The following NXPH2 variants were observed in gnomAD, a reference collection of about 807,000 sequenced individuals.
NXPH2 encodes the protein neurexophilin-2.
A neutral mutation model predicts 19.8 loss-of-function variants in NXPH2; 5 were observed. The ratio of observed to expected loss-of-function variants is 0.25; its 90% confidence interval spans 0.13 to 0.53. The LOEUF is 0.53. NXPH2 is among the 20% of genes least tolerant of loss of function. The pLI is 0.96. For missense variants in NXPH2, 289 were observed against 322.8 expected (o/e 0.90, Z 0.80); for synonymous variants, 154 against 127.4 (o/e 1.21, Z -1.41).
chr2:138,756,065 G>T (rs1681904660), intron 1 of NXPH2, among the ~76,000 whole-genome samples: 1 of 151,556 alleles, frequency 6.6e-6, no homozygotes, highest in African/African-American at 2.4e-5. Context: ...AGTTTTTATT[G>T]TTCTTTGTAT....
At chr2:138,695,400 G>A (rs1047128266) in intron 1 of NXPH2, among the ~76,000 whole-genome samples, 2 of 152,112 alleles carry the variant, frequency 1.3e-5, no homozygotes, top group Non-Finnish European at 2.9e-5. Flanking sequence ...AAACTCTGCC[G>A]AGAGGAACAA....
chr2:138,778,085 A>C (rs768697093), intron 1 of NXPH2, among the ~76,000 whole-genome samples: 1 of 152,180 alleles, frequency 6.6e-6, no homozygotes, highest in African/African-American at 2.4e-5. Context: ...ATTGGGGAAT[A>C]TTTCAATTTA....
chr2:138,730,451 C>T (rs746610076), intron 1 of NXPH2, among the ~76,000 whole-genome samples: 20 of 152,098 alleles, frequency 1.3e-4, no homozygotes, highest in Admixed American at 2.6e-4. Flanking sequence ...TTTGGGGGCA[C>T]GATTCAGCCC....
intron 1 of NXPH2, among the ~76,000 whole-genome samples, chr2:138,677,997 A>G (rs1014279385): frequency 2.0e-5 from 3 of 152,172 alleles, no homozygotes; most frequent in Non-Finnish European, 4.4e-5. Context: ...CCATACTTTA[A>G]TTGGATCTTC....
At position 138,696,617 on chromosome 2, in the gene NXPH2, T is replaced by C. The variant is rs768390921; in HGVS notation, c.52-24952A>G. Among the ~76,000 whole-genome samples the C allele has an allele frequency of 7.2e-5, 11 of 152,126 alleles. No homozygotes were observed. In the South Asian group the frequency reaches 1.4e-3, roughly 20 times the overall value. On this transcript the variant is annotated intron_variant, in intron 1 of 1. Coordinates refer to ENST00000272641, the MANE Select transcript of NXPH2 (RefSeq NM_007226.3). ...GCAGTATCAAATGGTGGTGAAGACA[T>C]AGATTAACTAAAATTCCTGTACATT...
chr2:138,689,144 C>T (rs1241681361), intron 1 of NXPH2, among the ~76,000 whole-genome samples: 2 of 152,132 alleles, frequency 1.3e-5, no homozygotes, highest in Non-Finnish European at 2.9e-5. Flanking sequence ...CCCAAACGAC[C>T]ATATCATGTT....
chr2:138,680,461 C>A (rs1307611614), intron 1 of NXPH2, among the ~76,000 whole-genome samples: 1 of 152,138 alleles, frequency 6.6e-6, no homozygotes, highest in Non-Finnish European at 1.5e-5. Context: ...TTCAGGAGCC[C>A]ACATTTGTGC....
At chr2:138,688,019 C>T (rs1483985612) in intron 1 of NXPH2, among the ~76,000 whole-genome samples, 5 of 152,214 alleles carry the variant, frequency 3.3e-5, no homozygotes, top group Admixed American at 6.5e-5. Flanking sequence ...CTTGGCAATG[C>T]GGGCCCTTTT....
At position 138,707,094 on chromosome 2, in the gene NXPH2, C is replaced by CAAAAAAAA. The variant is rs70982073; in HGVS notation, c.52-35437_52-35430dup. On this transcript the variant is annotated intron_variant, in intron 1 of 1. Coordinates refer to ENST00000272641, the MANE Select transcript of NXPH2 (RefSeq NM_007226.3). ...ATGACTTTAAGTACTTGCCCCATGA[C>CAAAAAAAA]AAAAAAAAAAAAAAAAAAGAGCAAG... 2.8e-3 allele frequency among the ~76,000 whole-genome samples: 98 copies of CAAAAAAAA among 34,800 alleles called. 7 individuals carry two copies. The highest frequency in any genetic ancestry group is 6.1e-3 in the African/African-American group (76 of 12,486). The allele number at this position is 34,800 out of a possible 152,430, so 22.8% of individuals were successfully genotyped here. A position where few individuals can be genotyped will look rare whatever the true frequency, so the allele number is the denominator to read the frequency against.
At chr2:138,733,501 T>C (rs1447504317) in intron 1 of NXPH2, among the ~76,000 whole-genome samples, 3 of 152,182 alleles carry the variant, frequency 2.0e-5, no homozygotes, top group African/African-American at 7.2e-5. Flanking sequence ...AAAAGGATCT[T>C]GAAAGGCAAG....
intron 1 of NXPH2, among the ~76,000 whole-genome samples, chr2:138,679,369 A>G (rs1437254961): frequency 6.6e-6 from 1 of 151,636 alleles, no homozygotes; most frequent in Non-Finnish European, 1.5e-5. Flanking sequence ...CTCTTCACCT[A>G]CGTGGCAGCG....
At chr2:138,706,751 T>A (rs1438869530) in intron 1 of NXPH2, among the ~76,000 whole-genome samples, 3 of 151,696 alleles carry the variant, frequency 2.0e-5, no homozygotes, top group Non-Finnish European at 2.9e-5. Flanking sequence ...ATTTTTTTTT[T>A]AAGTAGGCAG....
chr2:138,712,930 T>A (rs1033012213), intron 1 of NXPH2, among the ~76,000 whole-genome samples: 1 of 152,258 alleles, frequency 6.6e-6, no homozygotes, highest in African/African-American at 2.4e-5. Context: ...ATACTTGTGA[T>A]AAATTCCTTC....
At chr2:138,743,242 G>A (rs1201654149) in intron 1 of NXPH2, among the ~76,000 whole-genome samples, 4 of 146,910 alleles carry the variant, frequency 2.7e-5, no homozygotes, top group Non-Finnish European at 6.1e-5. Flanking sequence ...AGTCACCCGG[G>A]TGGGATCCAC....
rs1396847592 is a variant in NXPH2 at position 138,727,722 on chromosome 2, C to T, written c.51+52469G>A. 3.9e-5 allele frequency among the ~76,000 whole-genome samples: 6 copies of T among 151,950 alleles called. No homozygotes were observed. The East Asian group carries it at 1.2e-3, about 29-fold the overall frequency. On this transcript the variant is annotated intron_variant, in intron 1 of 1. Transcript: ENST00000272641. The stretch of plus-strand genomic sequence containing the variant: ...TCTCCCAGTCTGTAGCTTGTCTTCT[C>T]CTTTTCTTGACACTGTGTTTTACAA...
At chr2:138,695,456 G>T (rs1680816313) in intron 1 of NXPH2, among the ~76,000 whole-genome samples, 1 of 152,110 alleles carries the variant, frequency 6.6e-6, no homozygotes, top group African/African-American at 2.4e-5. Context: ...TGGGAAGAAT[G>T]AATAATGTGA....
chr2:138,723,390 A>G (rs936928316), intron 1 of NXPH2, among the ~76,000 whole-genome samples: 16 of 152,232 alleles, frequency 1.1e-4, no homozygotes, highest in African/African-American at 3.6e-4. Flanking sequence ...TTTGAGGGGA[A>G]AAAATCAGCC....
chr2:138,684,175 G>A (rs72986869), intron 1 of NXPH2, among the ~76,000 whole-genome samples: 4,409 of 152,224 alleles, frequency 0.029, 241 homozygotes, highest in African/African-American at 0.1. Flanking sequence ...AATAGCCTTA[G>A]AGAGGTTAAG....
At chr2:138,688,126 G>C (rs1680689537) in intron 1 of NXPH2, among the ~76,000 whole-genome samples, 1 of 152,106 alleles carries the variant, frequency 6.6e-6, no homozygotes, top group African/African-American at 2.4e-5. Context: ...AAGTTACCTT[G>C]GGCAGTATGG....
Sources: gnomAD v4.1 joint callset for allele counts (sites outside exome capture counted in the v4.1 genomes callset) on GRCh38, gnomAD v4.1.1 for gene constraint, MANE v1.5 for transcripts, NCBI Gene and HGNC (gene_info 2026-07-23, HGNC 2026-07-21) for gene names.